WWOX: variants seen among roughly 807,000 people sequenced by gnomAD.
WWOX encodes WW domain containing oxidoreductase.
Under a neutral mutation model 46.2 loss-of-function variants are expected in WWOX, and 69 were observed. The ratio of observed to expected loss-of-function variants is 1.49; its 90% confidence interval spans 1.23 to 1.82. The LOEUF is 1.82. Ranked by LOEUF, WWOX falls within the 40% of genes most tolerant of loss-of-function variation. The pLI, the probability that WWOX is intolerant of heterozygous loss-of-function variation, is 0.00. For missense variants in WWOX, 919 were observed against 542.6 expected, an observed-to-expected ratio of 1.69 and a Z score of -6.89; for synonymous variants, 359 against 202.6, an observed-to-expected ratio of 1.77 and a Z score of -6.56.
intron 8 of WWOX, chr16:78,896,401 G>T (rs567117305): frequency 2.5e-4 from 38 of 152,214 alleles, no homozygotes; most frequent in Admixed American, 3.3e-4. Flanking sequence ...AAAACCTGGG[G>T]CCCTGAATCG....
chr16:79,076,707 T>G (rs1271179096), intron 8 of WWOX, among the ~76,000 whole-genome samples: 1 of 152,208 alleles, frequency 6.6e-6, no homozygotes, highest in African/African-American at 2.4e-5. Context: ...AGCCCCCCAC[T>G]TAGGTGTTAT....
At chr16:78,530,911 C>T (rs1205525885) in intron 8 of WWOX, among the ~76,000 whole-genome samples, 1 of 152,162 alleles carries the variant, frequency 6.6e-6, no homozygotes, top group Non-Finnish European at 1.5e-5. Context: ...CACTTAATTT[C>T]ACAACTCCAT....
chr16:78,794,559 A>G (rs1426162198), intron 8 of WWOX, among the ~76,000 whole-genome samples: 1 of 152,242 alleles, frequency 6.6e-6, no homozygotes, highest in African/African-American at 2.4e-5. Flanking sequence ...TCTAAGAGGT[A>G]ATAACCCTAA....
intron 8 of WWOX, among the ~76,000 whole-genome samples, chr16:78,633,917 T>C (rs4035835): frequency 6.6e-6 from 1 of 151,410 alleles, no homozygotes; most frequent in South Asian, 2.1e-4. Flanking sequence ...TTTTTTTAGA[T>C]TTCTCATTGC....
intron 8 of WWOX, among the ~76,000 whole-genome samples, chr16:78,652,385 G>C (rs959212346): frequency 6.8e-6 from 1 of 147,132 alleles, no homozygotes; most frequent in Non-Finnish European, 1.5e-5. Context: ...CTCCAGCCTG[G>C]GTGACAGAGC....
chr16:78,465,792 C>T (rs7206262), intron 8 of WWOX, among the ~76,000 whole-genome samples: 2,027 of 152,232 alleles, frequency 0.013, 40 homozygotes, highest in African/African-American at 0.046. Context: ...TTCTGTGTTT[C>T]ATGATTTTTT....
intron 5 of WWOX, among the ~76,000 whole-genome samples, chr16:78,312,156 A>C (rs573544239): frequency 6.6e-6 from 1 of 152,288 alleles, no homozygotes; most frequent in Non-Finnish European, 1.5e-5. Context: ...CTGGATAGCT[A>C]TCAAGGGTCA....
At chr16:78,686,472 C>G (rs1430792703) in intron 8 of WWOX, among the ~76,000 whole-genome samples, 2 of 151,192 alleles carry the variant, frequency 1.3e-5, no homozygotes, top group Non-Finnish European at 1.5e-5. Flanking sequence ...GATGGTGCCA[C>G]TGTACTCCAG....
intron 8 of WWOX, among the ~76,000 whole-genome samples, chr16:78,839,893 C>T (rs1044876681): frequency 6.6e-6 from 1 of 152,144 alleles, no homozygotes; most frequent in African/African-American, 2.4e-5. Flanking sequence ...CTAGCGAAGC[C>T]TTCAGGCAGG....
intron 8 of WWOX, among the ~76,000 whole-genome samples, chr16:78,668,337 C>G (rs1232701188): frequency 1.3e-5 from 2 of 152,154 alleles, no homozygotes; most frequent in Non-Finnish European, 2.9e-5. Context: ...CCTGTCTTTT[C>G]TCCTGTTCGA....
At chr16:78,613,578 CCACTGGTTCAA>C (rs988701337) in intron 8 of WWOX, among the ~76,000 whole-genome samples, 8 of 152,282 alleles carry the variant, frequency 5.3e-5, no homozygotes, top group African/African-American at 1.9e-4. Flanking sequence ...TGGGTGTTCT[CCACTGGTTCAA>C]CACACCTGAA....
chr16:78,432,726 T>C lies in WWOX; in HGVS notation c.1030T>C (p.Leu344=). 1 of 1,614,210 alleles carries C rather than the reference T, an allele frequency of 6.2e-7. No individual in the cohort carries two copies. The highest frequency in any genetic ancestry group is 2.2e-5 in the East Asian group (1 of 44,882). ...GTGGGTGTACACACTGCTGTTTACC[T>C]TGGCGAGGCCTTTCACCAAGTCCAT... ...SWWVYTLLFT[L]ARPFTKSMQQ... The change falls in exon 8 of 9, where the codon TTG becomes CTG. Residue 344 remains leucine (L), a synonymous_variant. Coordinates refer to ENST00000566780, the MANE Select transcript of WWOX (RefSeq NM_016373.4).
chr16:78,648,907 A>AT (rs1001991550), intron 8 of WWOX, among the ~76,000 whole-genome samples: 22 of 151,882 alleles, frequency 1.4e-4, no homozygotes, highest in African/African-American at 4.4e-4. Flanking sequence ...CACTAGGTTA[A>AT]TTTTTTCCCA....
At chr16:78,691,569 A>G (rs1427396783) in intron 8 of WWOX, among the ~76,000 whole-genome samples, 1 of 152,050 alleles carries the variant, frequency 6.6e-6, no homozygotes, top group Non-Finnish European at 1.5e-5. Context: ...TTATCTGGGT[A>G]TAGTGGTGTG....
chr16:78,919,519 G>A (rs982576260), intron 8 of WWOX, among the ~76,000 whole-genome samples: 1 of 67,256 alleles, frequency 1.5e-5, no homozygotes, highest in Non-Finnish European at 2.9e-5. Context: ...TTATCTTTTT[G>A]TTTTGTTTTT....
chr16:78,816,847 A>G (rs1189093777), intron 8 of WWOX, among the ~76,000 whole-genome samples: 4 of 152,094 alleles, frequency 2.6e-5, no homozygotes, highest in South Asian at 2.1e-4. Flanking sequence ...TGTGTAATCT[A>G]TTTCAGTTTC....
chr16:79,018,655 T>A (rs115926453), intron 8 of WWOX, among the ~76,000 whole-genome samples: 2 of 152,200 alleles, frequency 1.3e-5, no homozygotes, highest in South Asian at 4.2e-4. Flanking sequence ...TTCAAACATA[T>A]CATGCTCACC....
chr16:78,704,036 C>G (rs368490133), intron 8 of WWOX, among the ~76,000 whole-genome samples: 1 of 152,164 alleles, frequency 6.6e-6, no homozygotes, highest in African/African-American at 2.4e-5. Context: ...CCCTATCCAT[C>G]TCCAAGTGAA....
intron 8 of WWOX, among the ~76,000 whole-genome samples, chr16:78,711,204 G>T (rs1346074460): frequency 2.0e-5 from 3 of 152,174 alleles, no homozygotes; most frequent in African/African-American, 7.2e-5. Flanking sequence ...GATATATCTG[G>T]AAGCCTCTAA....
Sources: gnomAD v4.1 joint callset for allele counts (sites outside exome capture counted in the v4.1 genomes callset) on GRCh38, gnomAD v4.1.1 for gene constraint, MANE v1.5 for transcripts, NCBI Gene and HGNC (gene_info 2026-07-23, HGNC 2026-07-21) for gene names.